Variants in MCC observed in about 807,000 individuals in gnomAD.
MCC encodes the protein colorectal mutant cancer protein.
In MCC, 90 loss-of-function variants were observed where a neutral mutation model predicts 116.2. That is an observed-to-expected ratio of 0.77 (90% CI 0.65 to 0.92). The LOEUF (loss-of-function observed/expected upper bound fraction) is 0.92. MCC is among the 40% of genes least tolerant of loss of function. The probability of loss-of-function intolerance (pLI) is 0.00; values close to 1 mark genes in which losing one functional copy is unlikely to be tolerated. For synonymous variants in MCC, 578 were observed against 510.5 expected (o/e 1.13, Z -1.78); for missense variants, 1,516 against 1,312.2 (o/e 1.16, Z -2.40).
chr5:113,186,227 C>A (rs898478148), intron 3 of MCC, among the ~76,000 whole-genome samples: 2 of 152,168 alleles, frequency 1.3e-5, no homozygotes, highest in African/African-American at 4.8e-5. Flanking sequence ...CTGCTTCTCA[C>A]ACAGGGAAAT....
At chr5:113,415,481 T>C (rs1266198671) in intron 1 of MCC, among the ~76,000 whole-genome samples, 4 of 152,252 alleles carry the variant, frequency 2.6e-5, no homozygotes, top group Non-Finnish European at 5.9e-5. Context: ...TATGCTTTTT[T>C]CTCTAACCTT....
At chr5:113,131,837 T>C (rs1205344532) in intron 5 of MCC, among the ~76,000 whole-genome samples, 18 of 152,150 alleles carry the variant, frequency 1.2e-4, no homozygotes, top group Admixed American at 1.2e-3. Flanking sequence ...CAGGCCCTCT[T>C]TGATTCTGGG....
At chr5:113,176,871 C>G (rs1761361259) in intron 3 of MCC, among the ~76,000 whole-genome samples, 1 of 152,142 alleles carries the variant, frequency 6.6e-6, no homozygotes, top group Non-Finnish European at 1.5e-5. Flanking sequence ...CATTCTAGCT[C>G]AGGGTCCACT....
At chr5:113,055,259 A>C (rs561359654) in intron 14 of MCC, among the ~76,000 whole-genome samples, 15 of 152,210 alleles carry the variant, frequency 9.9e-5, no homozygotes, top group African/African-American at 3.6e-4. Flanking sequence ...GCTAGAAGCT[A>C]TACCAGGGGC....
intron 2 of MCC, among the ~76,000 whole-genome samples, chr5:113,364,310 C>T (rs1005822345): frequency 6.9e-6 from 1 of 145,718 alleles, no homozygotes; most frequent in East Asian, 2.0e-4. Context: ...GTCCAAAACC[C>T]AGCAGGGCAG....
intron 3 of MCC, among the ~76,000 whole-genome samples, chr5:113,320,024 A>G (rs1767381014): frequency 6.6e-6 from 1 of 152,274 alleles, no homozygotes; most frequent in Non-Finnish European, 1.5e-5. Context: ...GATCATCACC[A>G]TAAAATACTA....
rs1401372879 is a variant in MCC, at chr5:113,022,588, CACTT to C, written c.*4710_*4713del. On this transcript the variant is annotated 3_prime_UTR_variant, in exon 19 of 19. Transcript: ENST00000408903. The stretch of plus-strand genomic sequence containing the variant: ...AAGCAGATTATCAGGGGCTCTTACT[CACTT>C]GCCATTCCTGACATGAGCACTATAA... 9 of 150,104 alleles carry C rather than the reference CACTT, an allele frequency of 6.0e-5. No homozygotes were observed. Among genetic ancestry groups the C allele is most frequent in the Admixed American group, 3.9e-4 (6 of 15,196 alleles). 9.3% of individuals were successfully genotyped at this position (150,104 alleles called of 1,614,324 possible).
At chr5:113,443,235 A>T (rs1300494323) in intron 1 of MCC, among the ~76,000 whole-genome samples, 1 of 152,068 alleles carries the variant, frequency 6.6e-6, no homozygotes, top group South Asian at 2.1e-4. Context: ...TTGGATTCCT[A>T]GGTATTTTAT....
chr5:113,367,670 G>A (rs907116432), intron 2 of MCC, among the ~76,000 whole-genome samples: 3 of 150,898 alleles, frequency 2.0e-5, no homozygotes, highest in African/African-American at 4.9e-5. Flanking sequence ...GAGAGAGAGC[G>A]AGAGAGAGAA....
intron 1 of MCC, among the ~76,000 whole-genome samples, chr5:113,464,347 G>C (rs1019901154): frequency 4.6e-5 from 7 of 152,054 alleles, no homozygotes; most frequent in Admixed American, 1.3e-4. Context: ...AGCCACACTG[G>C]CCTGCTTATT....
chr5:113,433,315 C>T (rs980382830), intron 1 of MCC: 11 of 306,158 alleles, frequency 3.6e-5, no homozygotes, highest in Admixed American at 8.6e-5. Context: ...CAGTCTGGCC[C>T]GGTCTGGCCT....
At chr5:113,073,147 T>C (rs984964650) in intron 11 of MCC, among the ~76,000 whole-genome samples, 4 of 152,102 alleles carry the variant, frequency 2.6e-5, no homozygotes, top group African/African-American at 7.2e-5. Context: ...GCCCGAGACA[T>C]TGCTCTTCTT....
intron 3 of MCC, among the ~76,000 whole-genome samples, chr5:113,212,003 C>T (rs1763151880): frequency 6.6e-6 from 1 of 152,156 alleles, no homozygotes; most frequent in African/African-American, 2.4e-5. Context: ...TACATGGCTT[C>T]CCTGAGAGAA....
chr5:113,419,648 T>A (rs1035535414), intron 1 of MCC, among the ~76,000 whole-genome samples: 2 of 151,708 alleles, frequency 1.3e-5, no homozygotes, highest in African/African-American at 2.4e-5. Flanking sequence ...TAGACTGGAT[T>A]AAGAAAATGT....
intron 8 of MCC, among the ~76,000 whole-genome samples, chr5:113,094,948 A>T (rs923177416): frequency 6.6e-6 from 1 of 152,170 alleles, no homozygotes; most frequent in Non-Finnish European, 1.5e-5. Flanking sequence ...AGGTCAAAGA[A>T]CCAGGGTTCT....
At chr5:113,395,177 T>G (rs1275229941) in intron 1 of MCC, among the ~76,000 whole-genome samples, 4 of 152,186 alleles carry the variant, frequency 2.6e-5, no homozygotes, top group African/African-American at 4.8e-5. Context: ...AATGTTAGAC[T>G]TGAGGTAAAA....
chr5:113,294,703 C>G, intron 3 of MCC: 1 of 1,020,008 alleles, frequency 9.8e-7, no homozygotes, highest in South Asian at 4.6e-5. Flanking sequence ...CAGTGCCACC[C>G]TGGGCGCCGC....
At chr5:113,441,072 C>T (rs573612925) in intron 1 of MCC, among the ~76,000 whole-genome samples, 6 of 152,284 alleles carry the variant, frequency 3.9e-5, no homozygotes, top group South Asian at 4.1e-4. Context: ...TGGTGGCTCA[C>T]GCCTGTAATC....
chr5:113,023,566 A>G lies in MCC; in HGVS notation c.*3736T>C, dbSNP rs1027598501. 2 of 152,202 alleles carry G rather than the reference A, an allele frequency of 1.3e-5. No homozygotes were observed. The highest frequency in any genetic ancestry group is 2.4e-5 in the African/African-American group (1 of 41,434). The allele number at this position is 152,202 out of a possible 1,614,324, so 9.4% of individuals were successfully genotyped here. On this transcript the variant is annotated 3_prime_UTR_variant, in exon 19 of 19. Coordinates refer to ENST00000408903, the MANE Select transcript of MCC (RefSeq NM_001085377.2). ...GTGCAGAAATCTCAACCATTACAGA[A>G]GTCTCTTACTATTTTGGCTCTCAAA...
Sources: gnomAD v4.1 joint callset for allele counts (sites outside exome capture counted in the v4.1 genomes callset) on GRCh38, gnomAD v4.1.1 for gene constraint, MANE v1.5 for transcripts, NCBI Gene and HGNC (gene_info 2026-07-23, HGNC 2026-07-21) for gene names.